Variants in TTN observed in about 807,000 individuals in gnomAD.
The protein encoded by TTN is connectin.
Under a neutral mutation model 3,223.0 loss-of-function variants are expected in TTN, and 1,525 were observed. The observed-to-expected ratio is 0.47, with a 90% CI of 0.45 to 0.49. The LOEUF (loss-of-function observed/expected upper bound fraction) is 0.49, where lower values mean the gene tolerates loss of function less well. TTN is among the 20% of genes least tolerant of loss of function. The pLI, the probability that TTN is intolerant of heterozygous loss-of-function variation, is 0.00. For synonymous variants in TTN, 14,094 were observed against 15,161.0 expected (o/e 0.93, Z 5.17); for missense variants, 40,786 against 43,424.0 (o/e 0.94, Z 5.40).
rs374876608 is a variant in TTN, at chr2:178,536,452, C to T, written c.100295G>A (p.Arg33432His). ...AKIRNYYLEK[R>H]EKKQNKWISV... ...AATCCATTTATTCTGCTTCTTCTCA[C>T]GCTTCTCAAGGTAGTAATTTCTAAT... is the stretch of plus-strand genomic sequence containing the variant. Residue 33432 changes from arginine to histidine, a missense_variant, in exon 357 of 363, where the codon CGT becomes CAT. Coordinates refer to ENST00000589042, the MANE Select transcript of TTN (RefSeq NM_001267550.2). 5.7e-5 allele frequency: 91 copies of T among 1,610,442 alleles called. 1 individual carries two copies. Among genetic ancestry groups the T allele is most frequent in the South Asian group, 2.6e-4 (24 of 90,670 alleles).
At chr2:178,646,650 G>T in intron 215 of TTN, 91 bp from the exon 216 acceptor site, 1 of 704,622 alleles carries the variant, frequency 1.4e-6, no homozygotes, top group Non-Finnish European at 2.4e-6. Context: ...AAAGATTACA[G>T]TCACAAAATA....
chr2:178,549,979 A>T lies in TTN; in HGVS notation c.91852+7T>A. 6.3e-7 allele frequency: 1 copy of T among 1,596,686 alleles called. No individual in the cohort carries two copies. Among genetic ancestry groups the T allele is most frequent in the Non-Finnish European group, 8.6e-7 (1 of 1,169,564 alleles). On this transcript the variant is annotated splice_region_variant and intron_variant, in intron 337 of 362. Coordinates refer to ENST00000589042, the MANE Select transcript of TTN (RefSeq NM_001267550.2). ...ATTGTAGCATTAAGAAGCTATTTTA[A>T]AAGTACCTTGTACTTTCACTTTAAT...
At position 178,652,916 on chromosome 2, in the gene TTN, A is replaced by G. The variant is rs756052149; in HGVS notation, c.38891T>C (p.Ile12964Thr). The G allele has an allele frequency of 1.3e-5, 21 of 1,590,958 alleles. No homozygotes were observed. Among genetic ancestry groups the G allele is most frequent in the South Asian group, 3.4e-5 (3 of 89,468 alleles). ...CATTTTCTTTTCAGGAACAACCTCT[A>G]TGGGAGCCTCTGGCACTTAAAAGAT... is the stretch of plus-strand genomic sequence containing the variant. ...VPPVKVPEAP[I>T]EVVPEKKMPL... The change falls in exon 200 of 363, where the codon ATA becomes ACA. Residue 12964 changes from isoleucine (I) to threonine (T), a missense_variant. Coordinates refer to ENST00000589042, the MANE Select transcript of TTN (RefSeq NM_001267550.2).
At chr2:178,536,802 T>C in intron 356 of TTN, 136 bp downstream of exon 356, 1 of 892,504 alleles carries the variant, frequency 1.1e-6, no homozygotes, top group Non-Finnish European at 1.6e-6. Flanking sequence ...AAACATTCAA[T>C]TAAAGTGAAA....
intron 47 of TTN, among the ~76,000 whole-genome samples, chr2:178,742,625 A>G (rs558542276): frequency 6.6e-6 from 1 of 152,242 alleles, no homozygotes; most frequent in Admixed American, 6.5e-5. Context: ...GTATAAGAAA[A>G]CCTATACAGA....
In TTN at chr2:178,539,015, C is replaced by T. The variant is rs374454949; in HGVS notation, c.98920G>A (p.Ala32974Thr). The change falls in exon 353 of 363, where the codon GCA becomes ACA. Residue 32974 changes from alanine to threonine, a missense_variant. Transcript: ENST00000589042. ...PDAEYQFRII[A>T]QNDVGLSETS... ...TCACTCAGGCCAACATCATTCTGTG[C>T]GATGATGCGGAACTGATACTCAGCA... 53 of 1,613,692 alleles carry T rather than the reference C, an allele frequency of 3.3e-5. No individual in the cohort carries two copies. The highest frequency in any genetic ancestry group is 6.7e-5 in the Admixed American group (4 of 60,012).
rs761387261 is a variant in TTN at position 178,751,656 on chromosome 2, C to T, written c.11311+1468G>A. On this transcript the variant is annotated intron_variant, in intron 47 of 362. Coordinates refer to ENST00000589042, the MANE Select transcript of TTN (RefSeq NM_001267550.2). ...TCTGCAGACCCTTCACTATTAATTGCTAGTAACCTATAACTTCCAGAATCT... is the reference window on the plus strand; with the variant it reads ...TCTGCAGACCCTTCACTATTAATTGTTAGTAACCTATAACTTCCAGAATCT... 5 of 1,613,368 alleles carry T rather than the reference C, an allele frequency of 3.1e-6. No homozygotes were observed. Among genetic ancestry groups the T allele is most frequent in the Non-Finnish European group, 4.2e-6 (5 of 1,179,514 alleles).
rs200512885 is a variant in TTN at position 178,750,566 on chromosome 2, G to A, written c.11311+2558C>T. The A allele has an allele frequency of 1.2e-5, 19 of 1,612,340 alleles. No individual in the cohort carries two copies. The highest frequency in any genetic ancestry group is 1.4e-5 in the Non-Finnish European group (17 of 1,179,266). Reference sequence around the variant, plus strand: ...TTGAGATTCAATTTCTTGAAGAAATGAAGGTGGGCAACGTTGTGGGCGTTT... The same window carrying A: ...TTGAGATTCAATTTCTTGAAGAAATAAAGGTGGGCAACGTTGTGGGCGTTT... On this transcript the variant is annotated intron_variant, in intron 47 of 362. Transcript: ENST00000589042.
rs2154271903 is a variant in TTN at position 178,682,841 on chromosome 2, G to T, written c.32950C>A (p.Gln10984Lys). Residue 10984 changes from glutamine (Q) to lysine (K), a missense_variant, in exon 135 of 363, where the codon CAA (glutamine) becomes AAA (lysine). By Grantham distance (53) the Gln-to-Lys change is moderately conservative. Transcript: ENST00000589042. ...YTLEEEAVSV[Q>K]REEEYEEYEE... ...TATTCCTCATATTCTTCTTCCCGTTGTACTGAAACAGCTTCTTCTTCTAGG... is the reference window on the plus strand; with the variant it reads ...TATTCCTCATATTCTTCTTCCCGTTTTACTGAAACAGCTTCTTCTTCTAGG... 6.2e-7 allele frequency: 1 copy of T among 1,612,584 alleles called. No homozygotes were observed. The highest frequency in any genetic ancestry group is 8.5e-7 in the Non-Finnish European group (1 of 1,179,176).
Position 178,567,456 on chromosome 2 carries a change from C to T in TTN, c.78676G>A (p.Glu26226Lys), listed in dbSNP as rs754878387. ...DVHGKPLPTIEWLRGDKEIEE... is the reference protein window; with the variant it reads ...DVHGKPLPTIKWLRGDKEIEE... ...ATTTCCTTATCTCCTCTTAACCACT[C>T]AATGGTAGGTAGGGGCTTTCCATGG... Residue 26226 changes from glutamate to lysine, a missense_variant, in exon 326 of 363, where the codon GAG (glutamate) becomes AAG (lysine). By Grantham distance (56) the Glu-to-Lys change is moderately conservative. Coordinates refer to ENST00000589042, the MANE Select transcript of TTN (RefSeq NM_001267550.2). The T allele has an allele frequency of 2.0e-5, 32 of 1,612,884 alleles. No homozygotes were observed. The highest frequency in any genetic ancestry group is 2.5e-6 in the Non-Finnish European group (3 of 1,179,408).
In TTN at chr2:178,570,469, T is replaced by C; in HGVS notation, c.75663A>G (p.Lys25221=). The change falls in exon 326 of 363, where the codon AAA becomes AAG. Residue 25221 remains lysine, a synonymous_variant. Coordinates refer to ENST00000589042, the MANE Select transcript of TTN (RefSeq NM_001267550.2). ...PVVISGVTAE[K]CTLAWKPPLQ... ...GTGGGGGTTTCCAAGCTAGTGTGCA[T>C]TTTTCTGCTGTAACTCCTGAGATAA... 1 of 1,613,258 alleles carries C rather than the reference T, an allele frequency of 6.2e-7. No individual in the cohort carries two copies. The highest frequency in any genetic ancestry group is 1.3e-5 in the African/African-American group (1 of 74,992).
In TTN at chr2:178,723,440, G is replaced by A; in HGVS notation, c.21660C>T (p.Cys7220=). The A allele has an allele frequency of 6.2e-7, 1 of 1,612,972 alleles. No individual in the cohort carries two copies. Among genetic ancestry groups the A allele is most frequent in the Non-Finnish European group, 8.5e-7 (1 of 1,179,370 alleles). ...VVSNNAGQAS[C]TTRLFVKEPA... ...AACCTTTCACAAAGAGACGGGTAGT[G>A]CAAGATGCTTGGCCAGCGTTGTTAG... Residue 7220 remains cysteine, a synonymous_variant, in exon 74 of 363, where the codon TGC becomes TGT. Coordinates refer to ENST00000589042, the MANE Select transcript of TTN (RefSeq NM_001267550.2).
Position 178,663,862 on chromosome 2 carries a change from C to T in TTN, c.36405G>A (p.Val12135=), listed in dbSNP as rs373815877. The change falls in exon 170 of 363, where the codon GTG becomes GTA. Residue 12135 remains valine (V), a synonymous_variant. Coordinates refer to ENST00000589042, the MANE Select transcript of TTN (RefSeq NM_001267550.2). Reference sequence around the variant, plus strand: ...CAGGCTCTTTAGGAGGAGCCAAGGGCACTTTCTCTTCGCGGATAACCTCTT... The same window carrying T: ...CAGGCTCTTTAGGAGGAGCCAAGGGTACTTTCTCTTCGCGGATAACCTCTT... ...ASKEVIREEK[V]PLAPPKEPEV... is the part of the protein sequence containing the mutation. 141 of 1,613,264 alleles carry T rather than the reference C, an allele frequency of 8.7e-5. No individual in the cohort carries two copies. The highest frequency in any genetic ancestry group is 1.6e-5 in the Non-Finnish European group (19 of 1,179,816).
In TTN at chr2:178,612,773, A is replaced by G. The variant is rs1235911879; in HGVS notation, c.49948T>C (p.Tyr16650His). The change falls in exon 265 of 363, where the codon TAT becomes CAT. Residue 16650 changes from tyrosine (Y) to histidine (H), a missense_variant and splice_region_variant. Coordinates refer to ENST00000589042, the MANE Select transcript of TTN (RefSeq NM_001267550.2). ...ATCCCAGACATCAAGAGTGACTTACATAGCTTCTCCCGGCAAAGCACAGGG... is the reference window on the plus strand; with the variant it reads ...ATCCCAGACATCAAGAGTGACTTACGTAGCTTCTCCCGGCAAAGCACAGGG... ...SDPVLCREKL[Y>H]PPSPPRWLEV... 3.7e-6 allele frequency: 6 copies of G among 1,608,226 alleles called. No individual in the cohort carries two copies. The highest frequency in any genetic ancestry group is 5.1e-6 in the Non-Finnish European group (6 of 1,177,846).
Position 178,594,217 on chromosome 2 carries a change from G to A in TTN, c.58176C>T (p.Phe19392=), listed in dbSNP as rs1256004776. 6.2e-7 allele frequency: 1 copy of A among 1,613,232 alleles called. No individual in the cohort carries two copies. Among genetic ancestry groups the A allele is most frequent in the Non-Finnish European group, 8.5e-7 (1 of 1,179,586 alleles). The change falls in exon 297 of 363, where the codon TTC becomes TTT. Residue 19392 remains phenylalanine, a synonymous_variant. Coordinates refer to ENST00000589042, the MANE Select transcript of TTN (RefSeq NM_001267550.2). ...ELAPPTLHLD[F]RDKLTIRVGE... is the part of the protein sequence containing the mutation. ...CAACTCGAATCGTGAGCTTATCTCT[G>A]AAGTCGAGGTGAAGCGTTGGGGGTG...
rs771435346 is a variant in TTN, at chr2:178,554,831, TG to T, written c.88594+33del. 138 of 1,612,974 alleles carry T rather than the reference TG, an allele frequency of 8.6e-5. No individual in the cohort carries two copies. In the South Asian group the frequency reaches 1.4e-3, roughly 17 times the overall value. ...TCAAAATTACTAAGCTTTAGGCAAA[TG>T]TAATATGACAGTGGTCTGTATTCAG... On this transcript the variant is annotated intron_variant, in intron 331 of 362. Coordinates refer to ENST00000589042, the MANE Select transcript of TTN (RefSeq NM_001267550.2).
At chr2:178,756,142 C>T (rs1181666381) in intron 46 of TTN, 80 bp downstream of exon 46, 4 of 1,054,668 alleles carry the variant, frequency 3.8e-6, no homozygotes, top group Admixed American at 2.2e-5. Flanking sequence ...ATATATTCGT[C>T]GATTGAATTT....
rs2087724382 is a variant in TTN at position 178,757,669 on chromosome 2, C to T, written c.10551G>A (p.Glu3517=). 1 of 1,613,748 alleles carries T rather than the reference C, an allele frequency of 6.2e-7. No homozygotes were observed. Among genetic ancestry groups the T allele is most frequent in the East Asian group, 2.2e-5 (1 of 44,848 alleles). Residue 3517 remains glutamate (E), a synonymous_variant, in exon 45 of 363, where the codon GAG becomes GAA. Coordinates refer to ENST00000589042, the MANE Select transcript of TTN (RefSeq NM_001267550.2). ...PTKDVVFHFE[E]STGMALMLIV... ...TAAGCATTAAAGCCATGCCTGTGGA[C>T]TCCTCAAAATGGAAAACTACATCTT...
rs74977311 is a variant in TTN at position 178,594,669 on chromosome 2, T to G, written c.57848-23A>C. The G allele has an allele frequency of 2.9e-3, 4,420 of 1,543,270 alleles. 9 individuals are homozygous for G. The highest frequency in any genetic ancestry group is 3.4e-3 in the Non-Finnish European group (3,911 of 1,146,298). The stretch of plus-strand genomic sequence containing the variant: ...CAGCTGCGAATATAAGTATAGGAAT[T>G]GTGGTAGAAAAAAATGTCACATTAA... On this transcript the variant is annotated intron_variant, in intron 295 of 362. Transcript: ENST00000589042.
Sources: allele counts gnomAD v4.1 joint callset (sites outside exome capture counted in the v4.1 genomes callset), GRCh38; gene constraint gnomAD v4.1.1; transcripts MANE v1.5; gene names NCBI Gene and HGNC (gene_info 2026-07-23, HGNC 2026-07-21).